The following GP1BA variants were observed in gnomAD, a reference collection of about 807,000 sequenced individuals.
GP1BA encodes glycoprotein Ib platelet subunit alpha, also known as platelet glycoprotein Ib alpha chain.
GP1BA carries 3 observed loss-of-function variants against 5.6 expected under a neutral mutation model. That is an observed-to-expected ratio of 0.53 (90% CI 0.24 to 1.38). The LOEUF (loss-of-function observed/expected upper bound fraction) is 1.38. Ranked by LOEUF, GP1BA falls within the 40% of genes most tolerant of loss-of-function variation. The pLI, the probability that GP1BA is intolerant of heterozygous loss-of-function variation, is 0.16. For missense variants in GP1BA, 707 were observed against 801.4 expected, an observed-to-expected ratio of 0.88 and a Z score of 1.42; for synonymous variants, 323 against 358.3, an observed-to-expected ratio of 0.90 and a Z score of 1.11.
chr17:4,933,837 AGAG>A lies in GP1BA; in HGVS notation c.1234_1236del (p.Glu412del). The A allele has an allele frequency of 2.8e-6, 4 of 1,414,676 alleles. No homozygotes were observed. The highest frequency in any genetic ancestry group is 1.4e-5 in the South Asian group (1 of 72,538). 87.6% of individuals were successfully genotyped at this position (1,414,676 alleles called of 1,614,324 possible). A position where few individuals can be genotyped will look rare whatever the true frequency, so the allele number is the denominator to read the frequency against. On this transcript the variant is annotated inframe_deletion, in exon 2 of 2. Transcript: ENST00000329125. Reference sequence around the variant, plus strand: ...AGCCCACTCCAAGCCCGACCACCCCAGAGCCCACCTCAGAGCCCGCCCCCAGCC... The same window carrying A: ...AGCCCACTCCAAGCCCGACCACCCCACCCACCTCAGAGCCCGCCCCCAGCC...
rs1319684666 is a variant in GP1BA, at chr17:4,933,796, A to G, written c.1192A>G (p.Asn398Asp). The stretch of plus-strand genomic sequence containing the variant: ...AGAGCCCGTCCCGGAGCCCGCCCCA[A>G]ACATGACCACCCTGGAGCCCACTCC... ...TSEPVPEPAP[N>D]MTTLEPTPSP... Residue 398 changes from asparagine to aspartate, a missense_variant, in exon 2 of 2, where the codon AAC becomes GAC. Asn to Asp is a conservative substitution (Grantham distance 23). Around this residue, in one of 3 missense-constraint regions of GP1BA, gnomAD observed 442 missense variants for 498.8 expected, o/e 0.89. Coordinates refer to ENST00000329125, the MANE Select transcript of GP1BA (RefSeq NM_000173.7). 1.2e-6 allele frequency: 2 copies of G among 1,611,646 alleles called. No homozygotes were observed. Among genetic ancestry groups the G allele is most frequent in the African/African-American group, 1.4e-5 (1 of 73,994 alleles).
Position 4,934,212 on chromosome 17 carries a change from G to A in GP1BA, c.1608G>A (p.Leu536=). The change falls in exon 2 of 2, where the codon TTG becomes TTA. Residue 536 remains leucine, a synonymous_variant. Transcript: ENST00000329125. The stretch of plus-strand genomic sequence containing the variant: ...TCCTCCCCCTGGGCTTCTATGTCTT[G>A]GGTCTCTTCTGGCTGCTCTTTGCCT... ...CCLLPLGFYV[L]GLFWLLFASV... 1 of 1,613,638 alleles carries A rather than the reference G, an allele frequency of 6.2e-7. No individual in the cohort carries two copies. The highest frequency in any genetic ancestry group is 8.5e-7 in the Non-Finnish European group (1 of 1,179,714).
Position 4,934,452 on chromosome 17 carries a change from T to TTA in GP1BA, c.1848_1849insTA (p.Gly617Ter), listed in dbSNP as rs765309061. The TTA allele has an allele frequency of 1.1e-5, 17 of 1,611,832 alleles. No homozygotes were observed. Among genetic ancestry groups the TTA allele is most frequent in the South Asian group, 2.2e-5 (2 of 91,088 alleles). On this transcript the variant is annotated frameshift_variant, in exon 2 of 2. Transcript: ENST00000329125. LOFTEE classifies it high-confidence loss of function. The stretch of plus-strand genomic sequence containing the variant: ...GCCTCTTCCTGTGGGTACGGCCTAA[T>TTA]GGCCGTGTGGGGCCTCTAGTGGCAG...
Position 4,932,671 on chromosome 17 carries a change from T to G in GP1BA, c.67T>G (p.Ser23Ala), listed in dbSNP as rs751416243. 1 of 1,613,790 alleles carries G rather than the reference T, an allele frequency of 6.2e-7. No homozygotes were observed. The highest frequency in any genetic ancestry group is 1.1e-5 in the South Asian group (1 of 91,066). ...PLHPHPICEV[S>A]KVASHLEVNC... Reference sequence around the variant, plus strand: ...ACACCCCCACCCCATCTGTGAGGTCTCCAAAGTGGCCAGCCACCTAGAAGT... The same window carrying G: ...ACACCCCCACCCCATCTGTGAGGTCGCCAAAGTGGCCAGCCACCTAGAAGT... Residue 23 changes from serine (S) to alanine (A), a missense_variant, in exon 2 of 2, where the codon TCC (serine) becomes GCC (alanine). Physicochemically the swap from Ser to Ala is moderately conservative, Grantham distance 99. Coordinates refer to ENST00000329125, the MANE Select transcript of GP1BA (RefSeq NM_000173.7). The surrounding 1 kb of genome is among the most constrained non-coding windows in gnomAD (Gnocchi z 4.8).
At position 4,934,738 on chromosome 17, in the gene GP1BA, C is replaced by A; in HGVS notation, c.*175C>A. 1.5e-6 allele frequency: 1 copy of A among 686,372 alleles called. No homozygotes were observed. The highest frequency in any genetic ancestry group is 2.6e-5 in the Admixed American group (1 of 38,536). 42.5% of individuals were successfully genotyped at this position (686,372 alleles called of 1,614,324 possible). A position where few individuals can be genotyped will look rare whatever the true frequency, so the allele number is the denominator to read the frequency against. ...CACACAATTTCAGTCCCAGCCAAAGCAGAAGGGGTAATGACATGGACTTGG... is the reference window on the plus strand; with the variant it reads ...CACACAATTTCAGTCCCAGCCAAAGAAGAAGGGGTAATGACATGGACTTGG... On this transcript the variant is annotated 3_prime_UTR_variant, in exon 2 of 2. Coordinates refer to ENST00000329125, the MANE Select transcript of GP1BA (RefSeq NM_000173.7).
chr17:4,933,836 CAGAG>C lies in GP1BA; in HGVS notation c.1233_1236del (p.Glu412ProfsTer59), dbSNP rs2151108260. ...GAGCCCACTCCAAGCCCGACCACCC[CAGAG>C]CCCACCTCAGAGCCCGCCCCCAGCC... On this transcript the variant is annotated frameshift_variant, in exon 2 of 2. Transcript: ENST00000329125. LOFTEE classifies it low-confidence loss of function (END_TRUNC). 1.6e-5 allele frequency: 24 copies of C among 1,470,718 alleles called. No individual in the cohort carries two copies. The highest frequency in any genetic ancestry group is 8.3e-5 in the South Asian group (6 of 72,128). 91.1% of individuals were successfully genotyped at this position (1,470,718 alleles called of 1,614,324 possible). A position where few individuals can be genotyped will look rare whatever the true frequency, so the allele number is the denominator to read the frequency against.
Position 4,934,083 on chromosome 17 carries a change from A to C in GP1BA, c.1479A>C (p.Lys493Asn). 1 of 1,613,718 alleles carries C rather than the reference A, an allele frequency of 6.2e-7. No homozygotes were observed. The highest frequency in any genetic ancestry group is 1.7e-5 in the Admixed American group (1 of 60,020). The change falls in exon 2 of 2, where the codon AAA (lysine) becomes AAC (asparagine). Residue 493 changes from lysine (K) to asparagine (N), a missense_variant. By Grantham distance (94) the Lys-to-Asn change is moderately conservative (BLOSUM62 0). Coordinates refer to ENST00000329125, the MANE Select transcript of GP1BA (RefSeq NM_000173.7). ...KPVSLLESTKKTIPELDQPPK... is the reference protein window; with the variant it reads ...KPVSLLESTKNTIPELDQPPK... ...TATCACTCTTAGAATCCACCAAAAA[A>C]ACCATCCCTGAACTTGATCAGCCAC...
In GP1BA at chr17:4,933,126, C is replaced by A; in HGVS notation, c.522C>A (p.Asn174Lys). ...TGGAGAAGCTCAGTCTGGCTAACAA[C>A]AACTTGACTGAGCTCCCCGCTGGGC... ...PKLEKLSLANNNLTELPAGLL... is the reference protein window; with the variant it reads ...PKLEKLSLANKNLTELPAGLL... Residue 174 changes from asparagine (N) to lysine (K), a missense_variant, in exon 2 of 2, where the codon AAC becomes AAA. Coordinates refer to ENST00000329125, the MANE Select transcript of GP1BA (RefSeq NM_000173.7). 1 of 1,613,972 alleles carries A rather than the reference C, an allele frequency of 6.2e-7. No individual in the cohort carries two copies. Among genetic ancestry groups the A allele is most frequent in the Non-Finnish European group, 8.5e-7 (1 of 1,179,822 alleles).
rs1346074241 is a variant in GP1BA at position 4,932,447 on chromosome 17, T to G, written c.-7+82T>G. 1 of 1,331,140 alleles carries G rather than the reference T, an allele frequency of 7.5e-7. No individual in the cohort carries two copies. Among genetic ancestry groups the G allele is most frequent in the Non-Finnish European group, 1.0e-6 (1 of 1,004,910 alleles). The allele number at this position is 1,331,140 out of a possible 1,614,324, so 82.5% of individuals were successfully genotyped here. ...AGGACCTGGAGCTAGTAGTTTTAAGTTCTGCAGGCAAGGGTGGGAGATGGG... is the reference window on the plus strand; with the variant it reads ...AGGACCTGGAGCTAGTAGTTTTAAGGTCTGCAGGCAAGGGTGGGAGATGGG... On this transcript the variant is annotated intron_variant, in intron 1 of 1. Coordinates refer to ENST00000329125, the MANE Select transcript of GP1BA (RefSeq NM_000173.7). This position sits in a 1 kb window ranked among gnomAD's most constrained non-coding sequence, Gnocchi z 4.8.
In GP1BA at chr17:4,932,672, C is replaced by A. The variant is rs754622081; in HGVS notation, c.68C>A (p.Ser23Tyr). ...PLHPHPICEV[S>Y]KVASHLEVNC... is the part of the protein sequence containing the mutation. ...CACCCCCACCCCATCTGTGAGGTCT[C>A]CAAAGTGGCCAGCCACCTAGAAGTG... Residue 23 changes from serine (S) to tyrosine (Y), a missense_variant, in exon 2 of 2, where the codon TCC becomes TAC. Transcript: ENST00000329125. The surrounding 1 kb of genome is among the most constrained non-coding windows in gnomAD (Gnocchi z 4.8). 6.2e-7 allele frequency: 1 copy of A among 1,613,876 alleles called. No homozygotes were observed. The highest frequency in any genetic ancestry group is 1.1e-5 in the South Asian group (1 of 91,080).
Position 4,934,057 on chromosome 17 carries a change from G to T in GP1BA, c.1453G>T (p.Val485Leu), listed in dbSNP as rs755360664. ...CACATTTTTAACTACCACAAAACCC[G>T]TATCACTCTTAGAATCCACCAAAAA... ...KSTFLTTTKP[V>L]SLLESTKKTI... Residue 485 changes from valine (V) to leucine (L), a missense_variant, in exon 2 of 2, where the codon GTA becomes TTA. Val to Leu is a conservative substitution (Grantham distance 32). Transcript: ENST00000329125. 1.2e-6 allele frequency: 2 copies of T among 1,613,374 alleles called. No individual in the cohort carries two copies. The highest frequency in any genetic ancestry group is 1.7e-6 in the Non-Finnish European group (2 of 1,179,854).
chr17:4,932,972 T>A lies in GP1BA; in HGVS notation c.368T>A (p.Val123Asp). The A allele has an allele frequency of 6.2e-7, 1 of 1,613,918 alleles. No homozygotes were observed. Among genetic ancestry groups the A allele is most frequent in the Non-Finnish European group, 8.5e-7 (1 of 1,179,872 alleles). ...CTGCCTGCTCTCACCGTCCTGGACG[T>A]CTCCTTCAACCGGCTGACCTCGCTG... ...QTLPALTVLDVSFNRLTSLPL... is the reference protein window; with the variant it reads ...QTLPALTVLDDSFNRLTSLPL... Residue 123 changes from valine (V) to aspartate (D), a missense_variant, in exon 2 of 2, where the codon GTC (valine) becomes GAC (aspartate). Around this residue, in one of 3 missense-constraint regions of GP1BA, gnomAD observed 442 missense variants for 498.8 expected, o/e 0.89. Transcript: ENST00000329125. This position sits in a 1 kb window ranked among gnomAD's most constrained non-coding sequence, Gnocchi z 4.8.
In GP1BA at chr17:4,932,577, C is replaced by G. The variant is rs183989314; in HGVS notation, c.-6-22C>G. ...CTTCCAGGGGATGCAGGGGGATCCA[C>G]TCAAGGCTCCCTTGCCCACAGGTCC... On this transcript the variant is annotated intron_variant, in intron 1 of 1. Transcript: ENST00000329125. The surrounding 1 kb of genome is among the most constrained non-coding windows in gnomAD (Gnocchi z 4.8). The G allele has an allele frequency of 1.5e-4, 237 of 1,602,410 alleles. 2 individuals are homozygous for G. In the African/African-American group the frequency reaches 2.8e-3, roughly 19 times the overall value.
In GP1BA at chr17:4,932,460, G is replaced by A. The variant is rs1174110200; in HGVS notation, c.-7+95G>A. The A allele has an allele frequency of 3.1e-6, 4 of 1,298,722 alleles. No individual in the cohort carries two copies. The African/African-American group carries it at 4.5e-5, about 15-fold the overall frequency. The allele number at this position is 1,298,722 out of a possible 1,614,324, so 80.4% of individuals were successfully genotyped here. A position where few individuals can be genotyped will look rare whatever the true frequency, so the allele number is the denominator to read the frequency against. On this transcript the variant is annotated intron_variant, in intron 1 of 1. Transcript: ENST00000329125. The surrounding 1 kb of genome is among the most constrained non-coding windows in gnomAD (Gnocchi z 4.8). ...AGTAGTTTTAAGTTCTGCAGGCAAG[G>A]GTGGGAGATGGGAGTAGGGAGGACA...
Position 4,934,713 on chromosome 17 carries a change from C to T in GP1BA, c.*150C>T. 1 of 776,934 alleles carries T rather than the reference C, an allele frequency of 1.3e-6. No homozygotes were observed. The highest frequency in any genetic ancestry group is 2.1e-6 in the Non-Finnish European group (1 of 468,974). 48.1% of individuals were successfully genotyped at this position (776,934 alleles called of 1,614,324 possible). ...AGAAGCCCTGTCTTCACAACACAGG[C>T]ACACAATTTCAGTCCCAGCCAAAGC... On this transcript the variant is annotated 3_prime_UTR_variant, in exon 2 of 2. Transcript: ENST00000329125.
At position 4,934,102 on chromosome 17, in the gene GP1BA, C is replaced by G. The variant is rs1286025048; in HGVS notation, c.1498C>G (p.Gln500Glu). The G allele has an allele frequency of 9.9e-6, 16 of 1,613,658 alleles. No individual in the cohort carries two copies. Among genetic ancestry groups the G allele is most frequent in the Non-Finnish European group, 1.4e-5 (16 of 1,179,880 alleles). ...CAAAAAAACCATCCCTGAACTTGAT[C>G]AGCCACCAAAGCTCCGTGGGGTGCT... ...STKKTIPELD[Q>E]PPKLRGVLQG... Residue 500 changes from glutamine (Q) to glutamate (E), a missense_variant, in exon 2 of 2, where the codon CAG becomes GAG. By Grantham distance (29) the Gln-to-Glu change is conservative. Around this residue, in one of 3 missense-constraint regions of GP1BA, gnomAD observed 247 missense variants for 246.6 expected, o/e 1.00. Coordinates refer to ENST00000329125, the MANE Select transcript of GP1BA (RefSeq NM_000173.7).
chr17:4,934,473 G>A lies in GP1BA; in HGVS notation c.1869G>A (p.Val623=), dbSNP rs1299340269. 6.2e-7 allele frequency: 1 copy of A among 1,614,048 alleles called. No individual in the cohort carries two copies. The highest frequency in any genetic ancestry group is 8.5e-7 in the Non-Finnish European group (1 of 1,179,898). Residue 623 remains valine (V), a synonymous_variant, in exon 2 of 2, where the codon GTG becomes GTA. Coordinates refer to ENST00000329125, the MANE Select transcript of GP1BA (RefSeq NM_000173.7). ...VRPNGRVGPL[V]AGRRPSALSQ... is the part of the protein sequence containing the mutation. ...CTAATGGCCGTGTGGGGCCTCTAGT[G>A]GCAGGAAGGAGGCCCTCAGCTCTGA...
At position 4,933,315 on chromosome 17, in the gene GP1BA, G is replaced by A. The variant is rs1040065935; in HGVS notation, c.711G>A (p.Gln237=). The change falls in exon 2 of 2, where the codon CAG becomes CAA. Residue 237 remains glutamine, a synonymous_variant. Coordinates refer to ENST00000329125, the MANE Select transcript of GP1BA (RefSeq NM_000173.7). ...CEILYFRRWL[Q]DNAENVYVWK... ...TCCTCTATTTTCGTCGCTGGCTGCA[G>A]GACAATGCTGAAAATGTCTACGTAT... The A allele has an allele frequency of 2.2e-5, 35 of 1,613,882 alleles. No individual in the cohort carries two copies. In the Middle Eastern group the frequency reaches 6.6e-4, roughly 30 times the overall value.
rs1257648872 is a variant in GP1BA, at chr17:4,933,714, C to T, written c.1110C>T (p.Ile370=). Residue 370 remains isoleucine (I), a synonymous_variant, in exon 2 of 2, where the codon ATC becomes ATT. Coordinates refer to ENST00000329125, the MANE Select transcript of GP1BA (RefSeq NM_000173.7). ...ATTTCACACTTCACATGGAATCCAT[C>T]ACATTCTCCAAAACTCCAAAATCCA... ...TPNFTLHMES[I]TFSKTPKSTT... 1 of 1,613,850 alleles carries T rather than the reference C, an allele frequency of 6.2e-7. No individual in the cohort carries two copies. The highest frequency in any genetic ancestry group is 1.3e-5 in the African/African-American group (1 of 74,894).
Sources: gnomAD v4.1 joint callset for allele counts on GRCh38, gnomAD v4.1.1 for gene constraint, gnomAD v4.1.1 regional missense constraint, Gnocchi (gnomAD v3.1) non-coding constraint, MANE v1.5 for transcripts, NCBI Gene and HGNC (gene_info 2026-07-23, HGNC 2026-07-21) for gene names.